The following SARDH variants were observed in gnomAD, a reference collection of about 807,000 sequenced individuals.
SARDH encodes the protein sarcosine dehydrogenase, mitochondrial.
A neutral mutation model predicts 109.1 loss-of-function variants in SARDH; 95 were observed. That is an observed-to-expected ratio of 0.87 (90% CI 0.74 to 1.03). The LOEUF (loss-of-function observed/expected upper bound fraction) is 1.03. Among genes scored for constraint, SARDH ranks in the 50% least tolerant of loss-of-function variants. The pLI, the probability that SARDH is intolerant of heterozygous loss-of-function variation, is 0.00. For synonymous variants in SARDH, 572 were observed against 534.8 expected (o/e 1.07, Z -0.96); for missense variants, 1,267 against 1,287.8 (o/e 0.98, Z 0.25).
chr9:133,679,812 G>A (rs1220410451), intron 17 of SARDH, among the ~76,000 whole-genome samples: 2 of 152,226 alleles, frequency 1.3e-5, no homozygotes, highest in Non-Finnish European at 2.9e-5. Flanking sequence ...CGCCCAATTC[G>A]TCTGGTGGTG....
At chr9:133,660,079 C>T (rs1240155160), downstream of SARDH, among the ~76,000 whole-genome samples, 1 of 145,966 alleles carries the variant, frequency 6.9e-6, no homozygotes, top group Non-Finnish European at 1.5e-5. Context: ...CCCCCACTCA[C>T]ACTCTTGCTC....
chr9:133,693,050 G>A lies in SARDH; in HGVS notation c.1921+1208C>T, dbSNP rs542839112. On this transcript the variant is annotated intron_variant, in intron 15 of 20. Coordinates refer to ENST00000439388, the MANE Select transcript of SARDH (RefSeq NM_001134707.2). The surrounding 1 kb of genome is among the most constrained non-coding windows in gnomAD (Gnocchi z 5.6). ...GAAGACCCGCTGGGCAGTGAGGAGC[G>A]CTGTCTTCCCACCCTGGCCCCCAAT... Among the ~76,000 whole-genome samples the A allele has an allele frequency of 1.3e-3, 199 of 152,110 alleles. No individual in the cohort carries two copies. Among genetic ancestry groups the A allele is most frequent in the Non-Finnish European group, 1.6e-3 (108 of 67,988 alleles).
At chr9:133,685,909 C>T (rs1328318052) in intron 16 of SARDH, among the ~76,000 whole-genome samples, 2 of 152,210 alleles carry the variant, frequency 1.3e-5, no homozygotes, top group Non-Finnish European at 2.9e-5. Context: ...CAACTGGGCA[C>T]CTCGGCCCCA....
intron 6 of SARDH, among the ~76,000 whole-genome samples, chr9:133,719,412 G>T (rs543180847): frequency 6.6e-6 from 1 of 152,168 alleles, no homozygotes; most frequent in Non-Finnish European, 1.5e-5. Flanking sequence ...CCTGGAGGAC[G>T]CAGAGTGGAT....
In SARDH at chr9:133,732,533, T is replaced by A; in HGVS notation, c.400A>T (p.Ser134Cys). ...CCCGTCTCCTCCTCCAGCTCCCGGC[T>A]CACCACCCGCCGAGTGTGGGCCAGA... ...ELLAHTRRVV[S>C]RELEEETGLH... is the part of the protein sequence containing the mutation. Residue 134 changes from serine to cysteine, a missense_variant, in exon 3 of 21, where the codon AGC becomes TGC. By Grantham distance (112) the Ser-to-Cys change is moderately radical. Coordinates refer to ENST00000439388, the MANE Select transcript of SARDH (RefSeq NM_001134707.2). The A allele has an allele frequency of 6.2e-7, 1 of 1,613,686 alleles. No individual in the cohort carries two copies.
chr9:133,734,328 G>A (rs1832792820), intron 1 of SARDH, 125 bp from the exon 2 acceptor site: 1 of 464,188 alleles, frequency 2.2e-6, no homozygotes, highest in Non-Finnish European at 3.5e-6. Context: ...ACTTCCCCAT[G>A]GCATTCATTC....
chr9:133,663,420 G>A (rs986611710), downstream of SARDH: 11 of 235,820 alleles, frequency 4.7e-5, no homozygotes, highest in South Asian at 1.8e-4. Context: ...CTCCATGTGC[G>A]CTGTGGCAGA....
intron 13 of SARDH, among the ~76,000 whole-genome samples, chr9:133,699,379 A>ATG (rs1831400878): frequency 1.3e-5 from 2 of 151,070 alleles, no homozygotes; most frequent in Non-Finnish European, 3.0e-5. Context: ...GGTGGTGTGC[A>ATG]CCTGTAATCC....
At chr9:133,729,684 C>T (rs1832605938) in intron 6 of SARDH, 81 bp downstream of exon 6, 2 of 1,270,902 alleles carry the variant, frequency 1.6e-6, no homozygotes, top group Non-Finnish European at 1.1e-6. Flanking sequence ...AGGGTCACAC[C>T]ACCTGGGTTC....
Position 133,666,102 on chromosome 9 carries a change from G to A in SARDH, c.2631+633C>T, listed in dbSNP as rs1008195167. On this transcript the variant is annotated intron_variant, in intron 20 of 20. Coordinates refer to ENST00000439388, the MANE Select transcript of SARDH (RefSeq NM_001134707.2). This position sits in a 1 kb window ranked among gnomAD's most constrained non-coding sequence, Gnocchi z 5.2. ...GTCCTGGGACTTGCTCCTGGGGGCA[G>A]TGCCTGCTCTTTCCAGCCTGTTCCT... Among the ~76,000 whole-genome samples the A allele has an allele frequency of 3.9e-5, 6 of 152,234 alleles. No individual in the cohort carries two copies. Among genetic ancestry groups the A allele is most frequent in the Non-Finnish European group, 5.9e-5 (4 of 68,036 alleles).
chr9:133,694,325 C>G lies in SARDH; in HGVS notation c.1854G>C (p.Glu618Asp). Residue 618 changes from glutamate (E) to aspartate (D), a missense_variant, in exon 15 of 21, where the codon GAG becomes GAC. Coordinates refer to ENST00000439388, the MANE Select transcript of SARDH (RefSeq NM_001134707.2). Reference protein sequence around the residue: ...TCMLNHRGGTESDLTVSRLAP... With the variant: ...TCMLNHRGGTDSDLTVSRLAP... ...CCAGGCGGCTGACAGTCAGGTCACT[C>G]TCGGTGCCCCCACGGTGGTTGAGCA... 1 of 1,550,738 alleles carries G rather than the reference C, an allele frequency of 6.4e-7. No homozygotes were observed. Among genetic ancestry groups the G allele is most frequent in the East Asian group, 2.4e-5 (1 of 40,914 alleles).
intron 10 of SARDH, among the ~76,000 whole-genome samples, chr9:133,710,730 G>A (rs1831887367): frequency 6.6e-6 from 1 of 152,268 alleles, no homozygotes; most frequent in Non-Finnish European, 1.5e-5. Context: ...CAGGCCCGAG[G>A]TGGCAGAACA....
At position 133,704,878 on chromosome 9, in the gene SARDH, G is replaced by A. The variant is rs45593937; in HGVS notation, c.1554+70C>T. On this transcript the variant is annotated intron_variant, in intron 12 of 20. Coordinates refer to ENST00000439388, the MANE Select transcript of SARDH (RefSeq NM_001134707.2). The surrounding 1 kb of genome is among the most constrained non-coding windows in gnomAD (Gnocchi z 4.5). ...GGGCACACGGAGGGGCAAGGACGGGGCACGTGGAGGGGCAAGGGGGTTGTC... is the reference window on the plus strand; with the variant it reads ...GGGCACACGGAGGGGCAAGGACGGGACACGTGGAGGGGCAAGGGGGTTGTC... 0.025 allele frequency: 33,209 copies of A among 1,338,878 alleles called. 671 individuals are homozygous for A. Among genetic ancestry groups the A allele is most frequent in the South Asian group, 0.068 (5,363 of 79,130 alleles). The allele number at this position is 1,338,878 out of a possible 1,614,324, so 82.9% of individuals were successfully genotyped here.
At chr9:133,731,517 G>A (rs751577669) in intron 3 of SARDH, 33 bp from the exon 4 acceptor site, 10 of 1,605,604 alleles carry the variant, frequency 6.2e-6, no homozygotes, top group South Asian at 4.4e-5. Context: ...AACTGAGTCC[G>A]TGGGGAGCAG....
chr9:133,734,244 A>T, intron 1 of SARDH, 41 bp from the exon 2 acceptor site: 1 of 1,372,372 alleles, frequency 7.3e-7, no homozygotes, highest in South Asian at 1.5e-5. Flanking sequence ...CAGAGGGGAC[A>T]CGCTGGGGGC....
At position 133,731,366 on chromosome 9, in the gene SARDH, G is replaced by T. The variant is rs781037442; in HGVS notation, c.629C>A (p.Thr210Asn). 1.2e-6 allele frequency: 2 copies of T among 1,614,202 alleles called. No homozygotes were observed. The highest frequency in any genetic ancestry group is 4.5e-5 in the East Asian group (2 of 44,870). Residue 210 changes from threonine to asparagine, a missense_variant, in exon 4 of 21, where the codon ACC (threonine) becomes AAC (asparagine). By Grantham distance (65) the Thr-to-Asn change is moderately conservative. Transcript: ENST00000439388. ...YGTLYVPHDG[T>N]MDPAGTCTTL... ...GGTACAGGTGCCAGCGGGGTCCATG[G>T]TACCGTCGTGCGGCACATACAGGGT...
intron 14 of SARDH, among the ~76,000 whole-genome samples, chr9:133,695,025 T>G (rs925373939): frequency 6.6e-6 from 1 of 152,124 alleles, no homozygotes. Context: ...GGTTGAATTG[T>G]GTCCCCCACA....
At chr9:133,713,149 G>C (rs582326) in intron 8 of SARDH, 25 bp from the exon 9 acceptor site, 563,788 of 1,599,096 alleles carry the variant, frequency 0.35, 102,099 homozygotes, top group East Asian at 0.39. Context: ...GAGAGGCCTG[G>C]AGTCCCTTTT....
intron 6 of SARDH, among the ~76,000 whole-genome samples, chr9:133,719,841 G>A (rs908936709): frequency 1.4e-4 from 21 of 152,256 alleles, no homozygotes; most frequent in African/African-American, 4.8e-4. Context: ...GCCAGGCACG[G>A]TGGCTCACAC....
Sources: allele counts gnomAD v4.1 joint callset (sites outside exome capture counted in the v4.1 genomes callset), GRCh38; gene constraint gnomAD v4.1.1; non-coding constraint Gnocchi (gnomAD v3.1); transcripts MANE v1.5; gene names NCBI Gene and HGNC (gene_info 2026-07-23, HGNC 2026-07-21).